The following LRMDA variants were observed in gnomAD, a reference collection of about 807,000 sequenced individuals.
LRMDA encodes the protein leucine-rich melanocyte differentiation-associated protein.
LRMDA carries 18 observed loss-of-function variants against 29.8 expected under a neutral mutation model. The observed-to-expected ratio is 0.60, with a 90% CI of 0.42 to 0.90. The LOEUF (loss-of-function observed/expected upper bound fraction) is 0.90, where lower values mean the gene tolerates loss of function less well. Among genes scored for constraint, LRMDA ranks in the 40% least tolerant of loss-of-function variants. LRMDA has a pLI of 0.00. For synonymous variants in LRMDA, 125 were observed against 109.4 expected (o/e 1.14, Z -0.89); for missense variants, 273 against 273.9 (o/e 1.00, Z 0.02).
intron 6 of LRMDA, among the ~76,000 whole-genome samples, chr10:76,339,947 T>C (rs1841016955): frequency 1.3e-5 from 1 of 78,656 alleles, no homozygotes; most frequent in African/African-American, 5.1e-5. Flanking sequence ...CTTTTTCTCT[T>C]ACTAGGAATC....
intron 2 of LRMDA, among the ~76,000 whole-genome samples, chr10:75,971,592 G>C (rs1417478264): frequency 2.6e-5 from 4 of 152,110 alleles, no homozygotes; most frequent in Non-Finnish European, 5.9e-5. Context: ...GGTTCTCCTG[G>C]AGCATTTTAC....
chr10:75,460,747 T>A (rs1391748422), intron 2 of LRMDA, among the ~76,000 whole-genome samples: 2 of 151,978 alleles, frequency 1.3e-5, no homozygotes, highest in Non-Finnish European at 2.9e-5. Flanking sequence ...GTCTCATGAT[T>A]TTTTTTTGGT....
At chr10:76,091,276 CGTGTGT>C (rs56145957) in intron 5 of LRMDA, among the ~76,000 whole-genome samples, 1,721 of 146,878 alleles carry the variant, frequency 0.012, 20 homozygotes, top group African/African-American at 0.027. Flanking sequence ...ACATGGTGGA[CGTGTGT>C]GTGTGTGTGT....
intron 5 of LRMDA, among the ~76,000 whole-genome samples, chr10:76,073,501 C>T (rs945311182): frequency 1.4e-4 from 21 of 152,158 alleles, no homozygotes; most frequent in Non-Finnish European, 4.4e-5. Context: ...ATTTTCCCAC[C>T]GTTCCTGGAT....
At position 75,854,398 on chromosome 10, in the gene LRMDA, T is replaced by C. The variant is rs371548759; in HGVS notation, c.132-181610T>C. ...TATTTTTCTAGTATGATTATTAATA[T>C]TGGCCACCCCCCATGCCTTTTACTC... On this transcript the variant is annotated intron_variant, in intron 2 of 6. Transcript: ENST00000611255. Among the ~76,000 whole-genome samples, 8 of 152,216 alleles carry C rather than the reference T, an allele frequency of 5.3e-5. No homozygotes were observed. In the South Asian group the frequency reaches 1.2e-3, roughly 24 times the overall value.
In LRMDA at chr10:76,397,757, G is replaced by T. The variant is rs188423089; in HGVS notation, c.601+73272G>T. ...CGCCTCAACAGTTCCCCTGCAGGATGTCGGAGAACCGGAGAGAGGGGACTG... is the reference window on the plus strand; with the variant it reads ...CGCCTCAACAGTTCCCCTGCAGGATTTCGGAGAACCGGAGAGAGGGGACTG... On this transcript the variant is annotated intron_variant, in intron 6 of 6. Transcript: ENST00000611255. Among the ~76,000 whole-genome samples, 927 of 152,300 alleles carry T rather than the reference G, an allele frequency of 6.1e-3. 12 individuals carry two copies. The highest frequency in any genetic ancestry group is 6.3e-3 in the Non-Finnish European group (431 of 68,030).
intron 2 of LRMDA, among the ~76,000 whole-genome samples, chr10:75,860,723 T>C (rs143474083): frequency 1.1e-3 from 164 of 152,292 alleles, no homozygotes; most frequent in African/African-American, 3.8e-3. Flanking sequence ...CTTTGAGGCA[T>C]GTGAGTCAAA....
intron 5 of LRMDA, among the ~76,000 whole-genome samples, chr10:76,316,744 G>A (rs1263600786): frequency 6.6e-6 from 1 of 152,206 alleles, no homozygotes; most frequent in African/African-American, 2.4e-5. Context: ...TTCTGATTAT[G>A]TTCTATGTTT....
intron 4 of LRMDA, among the ~76,000 whole-genome samples, chr10:76,053,530 C>T (rs1346443407): frequency 1.6e-5 from 1 of 63,840 alleles, no homozygotes; most frequent in East Asian, 2.0e-4. Flanking sequence ...ACTTGTATTA[C>T]ACTCAGGATT....
At chr10:76,217,870 G>A (rs1299705062) in intron 5 of LRMDA, among the ~76,000 whole-genome samples, 1 of 152,118 alleles carries the variant, frequency 6.6e-6, no homozygotes, top group Non-Finnish European at 1.5e-5. Context: ...GGTGTCTAGA[G>A]TTCTTAGGGA....
chr10:76,254,358 C>CCTATCCTATCCTATGCTATG (rs1554859388), intron 5 of LRMDA, among the ~76,000 whole-genome samples: 11 of 131,330 alleles, frequency 8.4e-5, no homozygotes. Flanking sequence ...CCTATCCTAT[C>CCTATCCTATCCTATGCTATG]CTATGCTATG....
chr10:75,499,473 C>G lies in LRMDA; in HGVS notation c.131+60979C>G, dbSNP rs1845087203. On this transcript the variant is annotated intron_variant, in intron 2 of 6. Transcript: ENST00000611255. The stretch of plus-strand genomic sequence containing the variant: ...TGCTTACTCTCTGGGCCTTGACTGT[C>G]TTTTCTGAAAAATGGAGATGATAAT... Among the ~76,000 whole-genome samples, 3 of 152,320 alleles carry G rather than the reference C, an allele frequency of 2.0e-5. No individual in the cohort carries two copies. In the South Asian group the frequency reaches 6.2e-4, roughly 32 times the overall value.
chr10:76,139,539 C>A (rs1239625046), intron 5 of LRMDA, among the ~76,000 whole-genome samples: 2 of 152,126 alleles, frequency 1.3e-5, no homozygotes, highest in Non-Finnish European at 2.9e-5. Flanking sequence ...ACTTGTCAAT[C>A]ATTTCCAAGG....
rs146571841 is a variant in LRMDA, at chr10:76,056,460, G to T, written c.399-2206G>T. Among the ~76,000 whole-genome samples the T allele has an allele frequency of 5.8e-4, 89 of 152,328 alleles. 1 individual carries two copies. The highest frequency in any genetic ancestry group is 2.1e-3 in the African/African-American group (87 of 41,572). On this transcript the variant is annotated intron_variant, in intron 4 of 6. Transcript: ENST00000611255. ...GGAGCCTGTCTGCCTCCTGCTGCCA[G>T]CCATCAACCTGCTGTCTATAGTGCC...
intron 2 of LRMDA, among the ~76,000 whole-genome samples, chr10:75,511,717 A>C (rs1347991349): frequency 6.6e-6 from 1 of 152,208 alleles, no homozygotes; most frequent in Non-Finnish European, 1.5e-5. Context: ...AGTTTCCCCT[A>C]AGCCAGATGG....
intron 2 of LRMDA, among the ~76,000 whole-genome samples, chr10:75,682,795 T>A (rs1197099153): frequency 6.6e-6 from 1 of 152,156 alleles, no homozygotes; most frequent in Non-Finnish European, 1.5e-5. Flanking sequence ...TGAGCCTGAC[T>A]GTTTGACTCA....
chr10:75,823,888 A>G (rs551172550), intron 2 of LRMDA, among the ~76,000 whole-genome samples: 56 of 152,284 alleles, frequency 3.7e-4, no homozygotes, highest in African/African-American at 7.2e-4. Flanking sequence ...ATGACTCAGA[A>G]ACAGAAAATC....
chr10:76,426,192 T>G (rs1474495019), intron 6 of LRMDA, among the ~76,000 whole-genome samples: 1 of 152,232 alleles, frequency 6.6e-6, no homozygotes, highest in Non-Finnish European at 1.5e-5. Flanking sequence ...ACTTCCACAA[T>G]GGTTGAACTA....
chr10:75,728,424 C>CTCTGTG (rs1842655385), intron 2 of LRMDA, among the ~76,000 whole-genome samples: 1 of 131,866 alleles, frequency 7.6e-6, no homozygotes, highest in Non-Finnish European at 1.6e-5. Context: ...TGATACGTGG[C>CTCTGTG]TCTGTGTGTG....
Sources: allele counts gnomAD v4.1 joint callset (sites outside exome capture counted in the v4.1 genomes callset), GRCh38; gene constraint gnomAD v4.1.1; transcripts MANE v1.5; gene names NCBI Gene and HGNC (gene_info 2026-07-23, HGNC 2026-07-21).